The following GAS7 variants were observed in gnomAD, a reference collection of about 807,000 sequenced individuals.
GAS7 encodes the protein growth arrest specific 7.
A neutral mutation model predicts 71.1 loss-of-function variants in GAS7; 28 were observed. The ratio of observed to expected loss-of-function variants is 0.39; its 90% CI spans 0.29 to 0.54. The LOEUF (loss-of-function observed/expected upper bound fraction) is 0.54, where lower values mean the gene tolerates loss of function less well. GAS7 is among the 20% of genes least tolerant of loss of function. The pLI is 0.62. For synonymous variants in GAS7, 258 were observed against 245.8 expected, an observed-to-expected ratio of 1.05 and a Z score of -0.46; for missense variants, 436 against 627.8, an observed-to-expected ratio of 0.69 and a Z score of 3.27.
chr17:9,972,553 G>A (rs911261942), intron 3 of GAS7, among the ~76,000 whole-genome samples: 5 of 152,170 alleles, frequency 3.3e-5, no homozygotes, highest in African/African-American at 1.2e-4. Context: ...AATTTAAAAG[G>A]CTGATTGAAA....
At chr17:10,043,916 G>C (rs1419113776) in intron 1 of GAS7, among the ~76,000 whole-genome samples, 1 of 152,188 alleles carries the variant, frequency 6.6e-6, no homozygotes, top group Non-Finnish European at 1.5e-5. Context: ...CTGGGCAACA[G>C]AGTGAGACCC....
At chr17:10,142,164 C>T (rs1450145992) in intron 1 of GAS7, among the ~76,000 whole-genome samples, 2 of 147,556 alleles carry the variant, frequency 1.4e-5, no homozygotes, top group African/African-American at 2.5e-5. Context: ...TGCAGTGAGC[C>T]GAAATAGGGC....
chr17:9,981,862 G>A lies in GAS7; in HGVS notation c.327C>T (p.Ser109=). Residue 109 remains serine, a synonymous_variant, in exon 3 of 14, where the codon AGC becomes AGT. Coordinates refer to ENST00000432992, the MANE Select transcript of GAS7 (RefSeq NM_201433.2). The surrounding 1 kb of genome is among the most constrained non-coding windows in gnomAD (Gnocchi z 4.4). ...GGCTGGCTGGAATCCCAGGAGAACT[G>A]CTGGGACGTTCCCAGGTGGTCTCTG... ...TTNETTWERP[S]SSPGIPASPG... is the part of the protein sequence containing the mutation. 1 of 1,595,016 alleles carries A rather than the reference G, an allele frequency of 6.3e-7. No homozygotes were observed. The highest frequency in any genetic ancestry group is 8.6e-7 in the Non-Finnish European group (1 of 1,162,532).
intron 1 of GAS7, among the ~76,000 whole-genome samples, chr17:10,173,628 T>C (rs2953455): frequency 0.77 from 117,272 of 151,848 alleles, 46,109 homozygotes; most frequent in African/African-American, 0.93. Context: ...ATTAGCCGGG[T>C]GTGGCAGCGG....
At chr17:10,028,950 C>T (rs1215075322) in intron 1 of GAS7, among the ~76,000 whole-genome samples, 2 of 152,250 alleles carry the variant, frequency 1.3e-5, no homozygotes, top group East Asian at 3.9e-4. Flanking sequence ...AGGAGACCAG[C>T]AGAAAAGCTC....
intron 4 of GAS7, among the ~76,000 whole-genome samples, chr17:9,966,132 G>A (rs2069703867): frequency 1.3e-5 from 2 of 151,768 alleles, no homozygotes; most frequent in South Asian, 4.2e-4. Context: ...CCGAGTAGCT[G>A]GGACTACAGG....
intron 1 of GAS7, among the ~76,000 whole-genome samples, chr17:10,021,452 T>G (rs1241101618): frequency 1.3e-5 from 2 of 152,222 alleles, no homozygotes; most frequent in Admixed American, 6.5e-5. Context: ...TCGGGGACTT[T>G]GAGTAAACAC....
chr17:10,024,665 G>A (rs2072399084), intron 1 of GAS7, among the ~76,000 whole-genome samples: 1 of 152,212 alleles, frequency 6.6e-6, no homozygotes, highest in Non-Finnish European at 1.5e-5. Flanking sequence ...ACAGGCTTCA[G>A]TCCCTCTCCA....
chr17:10,190,632 G>A (rs1219795244), intron 1 of GAS7, among the ~76,000 whole-genome samples: 3 of 151,762 alleles, frequency 2.0e-5, no homozygotes, highest in Admixed American at 6.6e-5. Context: ...GGGAAGGGAC[G>A]AGGCTTGCTA....
intron 1 of GAS7, among the ~76,000 whole-genome samples, chr17:10,193,597 T>C (rs1373050469): frequency 6.6e-6 from 1 of 152,254 alleles, no homozygotes; most frequent in Non-Finnish European, 1.5e-5. Flanking sequence ...CCTGGCAATG[T>C]ATGCCTTTGC....
chr17:10,089,644 C>T (rs998975373), intron 1 of GAS7, among the ~76,000 whole-genome samples: 1 of 152,120 alleles, frequency 6.6e-6, no homozygotes, highest in African/African-American at 2.4e-5. Context: ...TTCCTACAAC[C>T]TAGTTGTCAG....
intron 1 of GAS7, among the ~76,000 whole-genome samples, chr17:10,133,122 A>ATATATATATATATATATATTT (rs1392845338): frequency 8.4e-6 from 1 of 118,888 alleles, no homozygotes; most frequent in Admixed American, 8.2e-5. Context: ...ATATTTTTAT[A>ATATATATATATATATATATTT]TTTTTTTTTT....
intron 4 of GAS7, among the ~76,000 whole-genome samples, chr17:9,962,888 C>T (rs1160621908): frequency 6.6e-6 from 1 of 152,022 alleles, no homozygotes; most frequent in Non-Finnish European, 1.5e-5. Context: ...CCCCCAAATG[C>T]AGTAAAAAGA....
At chr17:10,090,993 T>C (rs926335373) in intron 1 of GAS7, among the ~76,000 whole-genome samples, 6 of 152,110 alleles carry the variant, frequency 3.9e-5, no homozygotes, top group Non-Finnish European at 7.4e-5. Context: ...TCAGAGGCAA[T>C]GATGGAACCC....
chr17:9,964,166 A>G (rs2069612319), intron 4 of GAS7, among the ~76,000 whole-genome samples: 1 of 152,142 alleles, frequency 6.6e-6, no homozygotes, highest in South Asian at 2.1e-4. Flanking sequence ...CCCAGGGGTC[A>G]GGACACCCCA....
chr17:10,090,043 C>T (rs1425332302), intron 1 of GAS7, among the ~76,000 whole-genome samples: 2 of 152,088 alleles, frequency 1.3e-5, no homozygotes, highest in East Asian at 3.9e-4. Context: ...GTGGCGAGTG[C>T]CTGTAATCCC....
intron 2 of GAS7, among the ~76,000 whole-genome samples, chr17:10,010,394 C>T (rs907250144): frequency 4.3e-4 from 65 of 152,212 alleles, no homozygotes; most frequent in African/African-American, 1.4e-3. Context: ...CCTGGTGATC[C>T]GCCCGCCTCA....
chr17:10,043,614 T>C (rs11078826), intron 1 of GAS7, among the ~76,000 whole-genome samples: 54,956 of 151,974 alleles, frequency 0.36, 10,557 homozygotes, highest in African/African-American at 0.5. Flanking sequence ...AAAAATAAAA[T>C]GTTAAGAAAA....
At chr17:10,181,172 T>A (rs772949194) in intron 1 of GAS7, among the ~76,000 whole-genome samples, 3 of 147,156 alleles carry the variant, frequency 2.0e-5, no homozygotes, top group African/African-American at 5.0e-5. Context: ...CCATCCTGGC[T>A]AACACAGTGA....
Sources: allele counts gnomAD v4.1 joint callset (sites outside exome capture counted in the v4.1 genomes callset), GRCh38; gene constraint gnomAD v4.1.1; non-coding constraint Gnocchi (gnomAD v3.1); transcripts MANE v1.5; gene names NCBI Gene and HGNC (gene_info 2026-07-23, HGNC 2026-07-21).